The following RAD54L2 variants were observed in gnomAD, a reference collection of about 807,000 sequenced individuals.
RAD54L2 encodes the protein helicase ARIP4.
Under a neutral mutation model 138.4 loss-of-function variants are expected in RAD54L2, and 27 were observed. The ratio of observed to expected loss-of-function variants is 0.20; its 90% CI spans 0.14 to 0.27. RAD54L2 has a LOEUF of 0.27. Ranked by LOEUF, RAD54L2 falls within the 10% of genes least tolerant of loss-of-function variation. The pLI is 1.00. For synonymous variants in RAD54L2, 644 were observed against 723.2 expected (o/e 0.89, Z 1.76); for missense variants, 1,396 against 1,890.2 (o/e 0.74, Z 4.85).
In RAD54L2 at chr3:51,668,070, TGTGTGTGTGTGTGTGA is replaced by T. The variant is rs1559663985; in HGVS notation, c.*4666_*4681del. 2.6e-5 allele frequency: 4 copies of T among 152,394 alleles called. No individual in the cohort carries two copies. Among genetic ancestry groups the T allele is most frequent in the Non-Finnish European group, 2.9e-5 (2 of 68,642 alleles). 9.4% of individuals were successfully genotyped at this position (152,394 alleles called of 1,614,324 possible). ...TGGAAGAGAGCTCAGCCCAGCTGTGTGTGTGTGTGTGTGTGAGTGTGTGTGTGTGTGTTTGTGTGCT... is the reference window on the plus strand; with the variant it reads ...TGGAAGAGAGCTCAGCCCAGCTGTGTGTGTGTGTGTGTGTGTTTGTGTGCT... On this transcript the variant is annotated 3_prime_UTR_variant, in exon 23 of 23. Coordinates refer to ENST00000684192, the MANE Select transcript of RAD54L2 (RefSeq NM_015106.4).
intron 3 of RAD54L2, among the ~76,000 whole-genome samples, chr3:51,593,828 CCTTT>C (rs1167774743): frequency 2.0e-5 from 3 of 151,824 alleles, no homozygotes; most frequent in Non-Finnish European, 4.4e-5. Context: ...GTTTATTTTG[CCTTT>C]CTTTTAGACT....
intron 3 of RAD54L2, among the ~76,000 whole-genome samples, chr3:51,620,233 A>T (rs145415828): frequency 6.7e-6 from 1 of 149,874 alleles, no homozygotes; most frequent in South Asian, 2.1e-4. Context: ...GGGTTGCTAC[A>T]GGCCTGCACC....
At position 51,609,698 on chromosome 3, in the gene RAD54L2, TTGTGTGTGTG is replaced by T. The variant is rs5848928; in HGVS notation, c.140-17822_140-17813del. 1.1e-3 allele frequency among the ~76,000 whole-genome samples: 151 copies of T among 141,172 alleles called. 1 individual carries two copies. The highest frequency in any genetic ancestry group is 3.6e-3 in the Middle Eastern group (1 of 280). 92.6% of individuals were successfully genotyped at this position (141,172 alleles called of 152,430 possible). A position where few individuals can be genotyped will look rare whatever the true frequency, so the allele number is the denominator to read the frequency against. On this transcript the variant is annotated intron_variant, in intron 3 of 22. Transcript: ENST00000684192. ...TCAACTACTGAATCCTTGTGGGCATTTGTGTGTGTGTGTGTGTGTGTGTGTGTGTGTGTGT... is the reference window on the plus strand; with the variant it reads ...TCAACTACTGAATCCTTGTGGGCATTTGTGTGTGTGTGTGTGTGTGTGTGT...
At chr3:51,554,025 G>C (rs1379056072) in intron 2 of RAD54L2, among the ~76,000 whole-genome samples, 1 of 152,154 alleles carries the variant, frequency 6.6e-6, no homozygotes, top group Non-Finnish European at 1.5e-5. Flanking sequence ...GATGGCTGCT[G>C]ACTGATCAGG....
chr3:51,621,105 T>C (rs1195292399), intron 3 of RAD54L2, among the ~76,000 whole-genome samples: 1 of 152,202 alleles, frequency 6.6e-6, no homozygotes, highest in Non-Finnish European at 1.5e-5. Context: ...TTATTAAGAA[T>C]AGTTTATTAA....
chr3:51,645,784 C>T lies in RAD54L2; in HGVS notation c.2829+21C>T, dbSNP rs761295013. The T allele has an allele frequency of 6.3e-7, 1 of 1,592,404 alleles. No individual in the cohort carries two copies. The highest frequency in any genetic ancestry group is 1.1e-5 in the South Asian group (1 of 87,260). The stretch of plus-strand genomic sequence containing the variant: ...CCAAGGTAAGAACTTGGTATGCATG[C>T]AATCCCCAGAGTGGCAGTCTCTCTG... On this transcript the variant is annotated intron_variant, in intron 18 of 22. Transcript: ENST00000684192. This position sits in a 1 kb window ranked among gnomAD's most constrained non-coding sequence, Gnocchi z 6.1.
rs1041966446 is a variant in RAD54L2, at chr3:51,667,482, C to G, written c.*4062C>G. On this transcript the variant is annotated 3_prime_UTR_variant, in exon 23 of 23. Coordinates refer to ENST00000684192, the MANE Select transcript of RAD54L2 (RefSeq NM_015106.4). ...CCTGGCCCCCACTTCCTTTTGATTT[C>G]TCAGATCAGTCTTTCCCTTCTGAGC... 1 of 152,392 alleles carries G rather than the reference C, an allele frequency of 6.6e-6. No individual in the cohort carries two copies. The highest frequency in any genetic ancestry group is 1.5e-5 in the Non-Finnish European group (1 of 68,218). 9.4% of individuals were successfully genotyped at this position (152,392 alleles called of 1,614,324 possible). A position where few individuals can be genotyped will look rare whatever the true frequency, so the allele number is the denominator to read the frequency against.
intron 22 of RAD54L2, among the ~76,000 whole-genome samples, chr3:51,661,859 C>G (rs1406717421): frequency 6.6e-6 from 1 of 152,144 alleles, no homozygotes; most frequent in Non-Finnish European, 1.5e-5. Flanking sequence ...GTCATTTTAT[C>G]TCTAAGTACT....
At chr3:51,658,301 A>G (rs1256131870) in intron 21 of RAD54L2, among the ~76,000 whole-genome samples, 1 of 152,170 alleles carries the variant, frequency 6.6e-6, no homozygotes, top group East Asian at 1.9e-4. Context: ...TTGGAGGGAA[A>G]GAGCGGTGGA....
chr3:51,608,671 C>T (rs1237763681), intron 3 of RAD54L2, among the ~76,000 whole-genome samples: 2 of 152,190 alleles, frequency 1.3e-5, no homozygotes, highest in Non-Finnish European at 2.9e-5. Context: ...CCAAAAAATA[C>T]GAAAACCAGT....
rs564540485 is a variant in RAD54L2 at position 51,662,591 on chromosome 3, G to A, written c.3575G>A (p.Arg1192His). ...GATGTGGCTGCTGCCCGGGAATCCC[G>A]TCAGAGCTCCCCAAGCACCAATGCC... is the stretch of plus-strand genomic sequence containing the variant. ...YADVAAARES[R>H]QSSPSTNAAL... Residue 1192 changes from arginine to histidine, a missense_variant, in exon 23 of 23, where the codon CGT becomes CAT. Physicochemically the swap from Arg to His is conservative, Grantham distance 29. Transcript: ENST00000684192. The surrounding 1 kb of genome is among the most constrained non-coding windows in gnomAD (Gnocchi z 4.6). The A allele has an allele frequency of 1.9e-5, 30 of 1,613,252 alleles. No homozygotes were observed. The highest frequency in any genetic ancestry group is 1.3e-4 in the South Asian group (12 of 90,956).
chr3:51,632,629 C>T (rs954566338), intron 7 of RAD54L2, among the ~76,000 whole-genome samples: 5 of 146,358 alleles, frequency 3.4e-5, no homozygotes, highest in Non-Finnish European at 6.0e-5. Flanking sequence ...CACGATGGCT[C>T]GTGCCTGTAA....
In RAD54L2 at chr3:51,660,043, A is replaced by G. The variant is rs1418709971; in HGVS notation, c.3334A>G (p.Ser1112Gly). The G allele has an allele frequency of 6.3e-7, 1 of 1,588,682 alleles. No homozygotes were observed. Among genetic ancestry groups the G allele is most frequent in the East Asian group, 2.3e-5 (1 of 44,134 alleles). Residue 1112 changes from serine to glycine, a missense_variant, in exon 22 of 23, where the codon AGT becomes GGT. Physicochemically the swap from Ser to Gly is moderately conservative, Grantham distance 56. Coordinates refer to ENST00000684192, the MANE Select transcript of RAD54L2 (RefSeq NM_015106.4). ...ATTCTTAGGGACGTACATCCGTACC[A>G]GTGATGGACGGATCTTTGCTGTCCG... is the stretch of plus-strand genomic sequence containing the variant. The part of the protein sequence containing the change: ...RGTKGTYIRT[S>G]DGRIFAVRAT...
At position 51,637,551 on chromosome 3, in the gene RAD54L2, T is replaced by TTA; in HGVS notation, c.1682+49_1682+50insAT. The TTA allele has an allele frequency of 1.9e-6, 3 of 1,540,904 alleles. No homozygotes were observed. Among genetic ancestry groups the TTA allele is most frequent in the Non-Finnish European group, 1.8e-6 (2 of 1,135,390 alleles). On this transcript the variant is annotated intron_variant, in intron 11 of 22. Coordinates refer to ENST00000684192, the MANE Select transcript of RAD54L2 (RefSeq NM_015106.4). The surrounding 1 kb of genome is among the most constrained non-coding windows in gnomAD (Gnocchi z 5.9). Reference sequence around the variant, plus strand: ...CTTCCTGAATTTTCAGAGGGCCCTGTTGCCAAGGGCATGCCAAACCTGTTA... The same window carrying TTA: ...CTTCCTGAATTTTCAGAGGGCCCTGTTATGCCAAGGGCATGCCAAACCTGTTA...
At chr3:51,644,374 G>T (rs1007182393) in intron 16 of RAD54L2, among the ~76,000 whole-genome samples, 3 of 152,156 alleles carry the variant, frequency 2.0e-5, no homozygotes, top group Non-Finnish European at 4.4e-5. Flanking sequence ...GAGTCTGAGA[G>T]GTCGAAGCTG....
intron 2 of RAD54L2, among the ~76,000 whole-genome samples, chr3:51,546,244 C>G (rs995465506): frequency 1.3e-5 from 2 of 151,518 alleles, no homozygotes; most frequent in African/African-American, 4.8e-5. Context: ...TGGCCAAATG[C>G]AATTATTCTT....
At chr3:51,656,659 G>A (rs537489776) in intron 20 of RAD54L2, among the ~76,000 whole-genome samples, 101 of 152,084 alleles carry the variant, frequency 6.6e-4, no homozygotes, top group Non-Finnish European at 1.1e-3. Flanking sequence ...CCAGGAGCTG[G>A]TTCTGTGATT....
Position 51,662,642 on chromosome 3 carries a change from T to C in RAD54L2, c.3626T>C (p.Leu1209Pro), listed in dbSNP as rs560233293. ...GCCCTGCCTGGCCCCCCGGCCCAAC[T>C]TATGGACAGCAGTGCTGTTCCCGGG... The part of the protein sequence containing the change: ...NAALPGPPAQ[L>P]MDSSAVPGTA... The change falls in exon 23 of 23, where the codon CTT (leucine) becomes CCT (proline). Residue 1209 changes from leucine (L) to proline (P), a missense_variant. By Grantham distance (98) the Leu-to-Pro change is moderately conservative (BLOSUM62 -3). This residue lies in a region of RAD54L2 where 634 missense variants were observed against 711.2 expected (regional missense o/e 0.89). Coordinates refer to ENST00000684192, the MANE Select transcript of RAD54L2 (RefSeq NM_015106.4). This position sits in a 1 kb window ranked among gnomAD's most constrained non-coding sequence, Gnocchi z 4.6. The C allele has an allele frequency of 2.0e-5, 33 of 1,612,884 alleles. No individual in the cohort carries two copies. The highest frequency in any genetic ancestry group is 2.7e-5 in the Non-Finnish European group (32 of 1,179,438).
At chr3:51,566,126 C>T (rs1699211295) in intron 2 of RAD54L2, among the ~76,000 whole-genome samples, 1 of 152,144 alleles carries the variant, frequency 6.6e-6, no homozygotes, top group Non-Finnish European at 1.5e-5. Context: ...CTGCGCCCAG[C>T]ACTGAGCTCC....
Sources: gnomAD v4.1 joint callset for allele counts (sites outside exome capture counted in the v4.1 genomes callset) on GRCh38, gnomAD v4.1.1 for gene constraint, gnomAD v4.1.1 regional missense constraint, Gnocchi (gnomAD v3.1) non-coding constraint, MANE v1.5 for transcripts, NCBI Gene and HGNC (gene_info 2026-07-23, HGNC 2026-07-21) for gene names.